The following CDH6 variants were observed in gnomAD, a reference collection of about 807,000 sequenced individuals.
CDH6 encodes cadherin-6.
A neutral mutation model predicts 78.0 loss-of-function variants in CDH6; 31 were observed. That is an observed-to-expected ratio of 0.40 (90% CI 0.30 to 0.54). The LOEUF is 0.54. Ranked by LOEUF, CDH6 falls within the 20% of genes least tolerant of loss-of-function variation. CDH6 has a pLI of 0.56. For synonymous variants in CDH6, 376 were observed against 368.8 expected, an observed-to-expected ratio of 1.02 and a Z score of -0.23; for missense variants, 724 against 975.9, an observed-to-expected ratio of 0.74 and a Z score of 3.44.
chr5:31,303,317 G>A (rs1004076243), intron 6 of CDH6, among the ~76,000 whole-genome samples: 3 of 152,132 alleles, frequency 2.0e-5, no homozygotes, highest in Non-Finnish European at 4.4e-5. Context: ...TACAAATTGT[G>A]ATGCATACTG....
Position 31,212,936 on chromosome 5 carries a change from G to T in CDH6, c.-129+19050G>T, listed in dbSNP as rs932023788. 2.0e-5 allele frequency among the ~76,000 whole-genome samples: 3 copies of T among 152,190 alleles called. No homozygotes were observed. In the East Asian group the frequency reaches 5.8e-4, roughly 29 times the overall value. On this transcript the variant is annotated intron_variant, in intron 1 of 11. Transcript: ENST00000265071. ...GCTATTCCCCACTCCTATTTTTCCC[G>T]TAGTCATTTATTCATACTCATTCAT...
chr5:31,322,586 G>A (rs890507987), intron 11 of CDH6, among the ~76,000 whole-genome samples: 1 of 152,086 alleles, frequency 6.6e-6, no homozygotes, highest in African/African-American at 2.4e-5. Context: ...AAAATATGAT[G>A]GTGTTTTATC....
At chr5:31,274,894 T>A (rs1254085851) in intron 2 of CDH6, among the ~76,000 whole-genome samples, 2 of 152,192 alleles carry the variant, frequency 1.3e-5, no homozygotes, top group Admixed American at 6.5e-5. Flanking sequence ...TTGTTCCCAC[T>A]GTAGCTGTTA....
At chr5:31,241,383 A>G (rs1287125022) in intron 1 of CDH6, among the ~76,000 whole-genome samples, 1 of 152,232 alleles carries the variant, frequency 6.6e-6, no homozygotes, top group Non-Finnish European at 1.5e-5. Flanking sequence ...CCCCTCATCC[A>G]GAAAGTATTC....
chr5:31,321,304 G>A (rs950308273), intron 11 of CDH6, among the ~76,000 whole-genome samples: 3 of 152,164 alleles, frequency 2.0e-5, no homozygotes, highest in Non-Finnish European at 4.4e-5. Context: ...AAAAGAGGGT[G>A]CATACAACTA....
At chr5:31,261,568 T>C (rs1404394299) in intron 1 of CDH6, among the ~76,000 whole-genome samples, 1 of 152,202 alleles carries the variant, frequency 6.6e-6, no homozygotes, top group African/African-American at 2.4e-5. Flanking sequence ...TCTCTTACTA[T>C]GGTAACTGGT....
At chr5:31,213,305 C>T (rs750112294) in intron 1 of CDH6, among the ~76,000 whole-genome samples, 5 of 152,282 alleles carry the variant, frequency 3.3e-5, no homozygotes, top group African/African-American at 4.8e-5. Context: ...AAATGCAGAA[C>T]GGATGCATTT....
At chr5:31,317,151 C>A (rs997505193) in intron 9 of CDH6, among the ~76,000 whole-genome samples, 3 of 152,270 alleles carry the variant, frequency 2.0e-5, no homozygotes, top group African/African-American at 7.2e-5. Flanking sequence ...TGCTAAACAT[C>A]CTACAATGCA....
chr5:31,319,995 G>A (rs779332987), intron 11 of CDH6, among the ~76,000 whole-genome samples: 1 of 152,080 alleles, frequency 6.6e-6, no homozygotes, highest in East Asian at 1.9e-4. Flanking sequence ...CTAGTTTTAC[G>A]ATGAAATTTG....
chr5:31,219,057 G>A (rs79841377), intron 1 of CDH6, among the ~76,000 whole-genome samples: 3,302 of 152,212 alleles, frequency 0.022, 134 homozygotes, highest in African/African-American at 0.076. Context: ...GATTTTGAGC[G>A]GATTAGCTTC....
At chr5:31,225,293 A>G (rs1579830007) in intron 1 of CDH6, among the ~76,000 whole-genome samples, 2 of 152,214 alleles carry the variant, frequency 1.3e-5, no homozygotes, top group East Asian at 1.9e-4. Flanking sequence ...GAGGGCTGAC[A>G]TCATCCCTCA....
intron 7 of CDH6, among the ~76,000 whole-genome samples, chr5:31,310,322 T>C (rs1205509903): frequency 6.6e-6 from 1 of 152,212 alleles, no homozygotes; most frequent in Non-Finnish European, 1.5e-5. Context: ...TAGGGCACAC[T>C]GATAAAGGAG....
intron 1 of CDH6, among the ~76,000 whole-genome samples, chr5:31,194,919 A>T (rs538953572): frequency 1.3e-3 from 198 of 152,218 alleles, no homozygotes; most frequent in African/African-American, 4.6e-3. Flanking sequence ...CGTGGTGCTA[A>T]GAAGTGTCAC....
intron 2 of CDH6, among the ~76,000 whole-genome samples, chr5:31,276,381 G>GT (rs1208162331): frequency 6.6e-6 from 1 of 152,004 alleles, no homozygotes; most frequent in African/African-American, 2.4e-5. Flanking sequence ...ATTTCTTCCA[G>GT]TTTTTTATTC....
At chr5:31,310,639 T>A (rs879538035) in intron 7 of CDH6, among the ~76,000 whole-genome samples, 2 of 152,234 alleles carry the variant, frequency 1.3e-5, no homozygotes, top group Non-Finnish European at 2.9e-5. Flanking sequence ...CATTCAGGCA[T>A]TTCCATAAAT....
At chr5:31,221,963 T>C (rs5006408) in intron 1 of CDH6, among the ~76,000 whole-genome samples, 41,472 of 152,070 alleles carry the variant, frequency 0.27, 6,004 homozygotes, top group Non-Finnish European at 0.31. Context: ...AGAAACCATA[T>C]GTAAAACCAT....
At chr5:31,212,415 G>T (rs890992669) in intron 1 of CDH6, among the ~76,000 whole-genome samples, 1 of 152,016 alleles carries the variant, frequency 6.6e-6, no homozygotes, top group Non-Finnish European at 1.5e-5. Context: ...ATGTGCCACC[G>T]GGGCTAATAT....
chr5:31,204,814 G>A (rs1299572436), intron 1 of CDH6, among the ~76,000 whole-genome samples: 1 of 152,022 alleles, frequency 6.6e-6, no homozygotes, highest in Non-Finnish European at 1.5e-5. Context: ...AGTGAAATTT[G>A]GACTGCATGT....
chr5:31,227,378 C>G (rs1281462988), intron 1 of CDH6, among the ~76,000 whole-genome samples: 1 of 152,082 alleles, frequency 6.6e-6, no homozygotes, highest in Non-Finnish European at 1.5e-5. Context: ...TTTTTATTTG[C>G]CCAGTCCCAT....
Sources: gnomAD v4.1 joint callset for allele counts (sites outside exome capture counted in the v4.1 genomes callset) on GRCh38, gnomAD v4.1.1 for gene constraint, MANE v1.5 for transcripts, NCBI Gene and HGNC (gene_info 2026-07-23, HGNC 2026-07-21) for gene names.